The following TRDN variants were observed in gnomAD, a reference collection of about 807,000 sequenced individuals.
The protein encoded by TRDN is triadin.
TRDN carries 161 observed loss-of-function variants against 149.7 expected under a neutral mutation model. The ratio of observed to expected loss-of-function variants is 1.08; its 90% CI spans 0.95 to 1.23. The LOEUF (loss-of-function observed/expected upper bound fraction) is 1.23, where lower values mean the gene tolerates loss of function less well. Among genes scored for constraint, TRDN ranks in the 50% most tolerant of loss-of-function variants. The pLI, the probability that TRDN is intolerant of heterozygous loss-of-function variation, is 0.00. For synonymous variants in TRDN, 294 were observed against 250.5 expected (o/e 1.17, Z -1.64); for missense variants, 896 against 823.5 (o/e 1.09, Z -1.08).
intron 20 of TRDN, among the ~76,000 whole-genome samples, chr6:123,353,921 A>G (rs917120895): frequency 2.0e-5 from 3 of 151,894 alleles, no homozygotes; most frequent in Admixed American, 6.6e-5. Flanking sequence ...ACATAACACA[A>G]GATATTATAG....
At chr6:123,354,620 G>C (rs1294538950) in intron 20 of TRDN, among the ~76,000 whole-genome samples, 1 of 151,782 alleles carries the variant, frequency 6.6e-6, no homozygotes, top group East Asian at 1.9e-4. Flanking sequence ...ATACATATCT[G>C]AAGAAATAGC....
chr6:123,432,377 G>A (rs186593475), intron 12 of TRDN, among the ~76,000 whole-genome samples: 113 of 151,030 alleles, frequency 7.5e-4, no homozygotes, highest in Non-Finnish European at 1.2e-3. Context: ...TAGAATCCTA[G>A]TCATAATTTG....
At chr6:123,590,995 TATA>T (rs1783752105) in intron 1 of TRDN, among the ~76,000 whole-genome samples, 1 of 152,138 alleles carries the variant, frequency 6.6e-6, no homozygotes, top group Non-Finnish European at 1.5e-5. Context: ...TATAAAAAAT[TATA>T]ATAAAATATG....
chr6:123,310,658 G>T (rs1202376599), intron 24 of TRDN, among the ~76,000 whole-genome samples: 1 of 151,904 alleles, frequency 6.6e-6, no homozygotes, highest in Non-Finnish European at 1.5e-5. Flanking sequence ...TTTAGAAAGA[G>T]ATTTGGCTTT....
intron 21 of TRDN, chr6:123,351,765 A>C (rs1188103186): frequency 6.5e-6 from 6 of 922,684 alleles, no homozygotes; most frequent in Non-Finnish European, 7.8e-6. Context: ...TTCTTGATAA[A>C]ATTATTGCAA....
intron 20 of TRDN, among the ~76,000 whole-genome samples, chr6:123,357,665 G>T (rs1435851011): frequency 6.6e-6 from 1 of 152,108 alleles, no homozygotes; most frequent in Non-Finnish European, 1.5e-5. Flanking sequence ...ACACAGGTAG[G>T]TATTCTTATT....
intron 19 of TRDN, among the ~76,000 whole-genome samples, chr6:123,372,797 C>T (rs1395349271): frequency 1.3e-5 from 2 of 152,164 alleles, no homozygotes; most frequent in Non-Finnish European, 2.9e-5. Flanking sequence ...CCTCTCCATG[C>T]TTGGAAATGA....
At chr6:123,502,387 G>A (rs1778736858) in intron 8 of TRDN, 1 of 648,514 alleles carries the variant, frequency 1.5e-6, no homozygotes, top group Non-Finnish European at 1.9e-6. Context: ...AAGTTTTAGA[G>A]CTCCTAAGTT....
chr6:123,427,844 G>A (rs940642990), intron 12 of TRDN, among the ~76,000 whole-genome samples: 1 of 152,052 alleles, frequency 6.6e-6, no homozygotes, highest in African/African-American at 2.4e-5. Context: ...AGAGGGGAAG[G>A]ATTTAATTCT....
At chr6:123,577,497 A>G (rs546887524) in intron 1 of TRDN, among the ~76,000 whole-genome samples, 133 of 152,290 alleles carry the variant, frequency 8.7e-4, no homozygotes, top group African/African-American at 3.1e-3. Context: ...TTATGGCTGC[A>G]TAGTATTCCA....
At chr6:123,315,128 T>C (rs1778976880) in intron 24 of TRDN, among the ~76,000 whole-genome samples, 1 of 152,014 alleles carries the variant, frequency 6.6e-6, no homozygotes, top group South Asian at 2.1e-4. Context: ...AAATACAATG[T>C]TATGCAAAGA....
chr6:123,398,270 G>T (rs1183843691), intron 12 of TRDN, among the ~76,000 whole-genome samples: 1 of 152,166 alleles, frequency 6.6e-6, no homozygotes, highest in African/African-American at 2.4e-5. Flanking sequence ...CTCCCAAAGT[G>T]CTAGGATTAC....
chr6:123,537,044 A>G (rs975004493), intron 4 of TRDN, among the ~76,000 whole-genome samples: 17 of 152,124 alleles, frequency 1.1e-4, no homozygotes, highest in Admixed American at 1.0e-3. Context: ...ACATTGCTTT[A>G]TTTCAAAATT....
At chr6:123,516,320 T>C (rs1779408382) in intron 5 of TRDN, 114 bp from the exon 6 acceptor site, 2 of 1,222,098 alleles carry the variant, frequency 1.6e-6, no homozygotes, top group Non-Finnish European at 2.1e-6. Context: ...AATCTTTCTT[T>C]AACTGGATTC....
At chr6:123,335,861 C>A (rs1339738507) in intron 22 of TRDN, among the ~76,000 whole-genome samples, 1 of 151,860 alleles carries the variant, frequency 6.6e-6, no homozygotes, top group Non-Finnish European at 1.5e-5. Flanking sequence ...ATTGTGAACT[C>A]CAAATTATGT....
intron 38 of TRDN, among the ~76,000 whole-genome samples, chr6:123,248,596 A>G (rs1043640007): frequency 6.6e-6 from 1 of 151,980 alleles, no homozygotes; most frequent in Non-Finnish European, 1.5e-5. Context: ...TATATGCACA[A>G]CTACATGCTA....
chr6:123,470,719 T>G (rs926233249), intron 9 of TRDN: 1 of 152,208 alleles, frequency 6.6e-6, no homozygotes, highest in South Asian at 2.1e-4. Flanking sequence ...TTGAACTGCT[T>G]TAGCATGATA....
At chr6:123,295,701 T>G (rs1320484078) in intron 24 of TRDN, among the ~76,000 whole-genome samples, 3 of 152,070 alleles carry the variant, frequency 2.0e-5, no homozygotes, top group African/African-American at 7.2e-5. Context: ...TGGTAGCTCA[T>G]GCCTGTAATC....
chr6:123,273,035 T>A (rs953225993), intron 28 of TRDN, 24 bp from the exon 29 acceptor site: 2 of 1,447,178 alleles, frequency 1.4e-6, no homozygotes, highest in South Asian at 1.4e-5. Context: ...AAAGAAAATC[T>A]TTTTTAGGTA....
Sources: gnomAD v4.1 joint callset for allele counts (sites outside exome capture counted in the v4.1 genomes callset) on GRCh38, gnomAD v4.1.1 for gene constraint, MANE v1.5 for transcripts, NCBI Gene and HGNC (gene_info 2026-07-23, HGNC 2026-07-21) for gene names.